Variants in YLPM1 observed in about 807,000 individuals in gnomAD.
YLPM1 encodes the protein YLP motif containing 1.
In YLPM1, 99 loss-of-function variants were observed where a neutral mutation model predicts 230.0. That is an observed-to-expected ratio of 0.43 (90% CI 0.37 to 0.51). The LOEUF is 0.51. Among genes scored for constraint, YLPM1 ranks in the 20% least tolerant of loss-of-function variants. The probability of loss-of-function intolerance (pLI) is 0.00; values close to 1 mark genes in which losing one functional copy is unlikely to be tolerated. For synonymous variants in YLPM1, 984 were observed against 942.5 expected, an observed-to-expected ratio of 1.04 and a Z score of -0.81; for missense variants, 2,592 against 2,707.7, an observed-to-expected ratio of 0.96 and a Z score of 0.95.
chr14:74,818,841 G>C (rs949879372), intron 16 of YLPM1, among the ~76,000 whole-genome samples: 3 of 152,188 alleles, frequency 2.0e-5, no homozygotes, highest in African/African-American at 7.2e-5. Flanking sequence ...CCTTGTCATT[G>C]TCATGAAAGA....
intron 4 of YLPM1, among the ~76,000 whole-genome samples, chr14:74,783,789 C>T (rs2091119208): frequency 6.6e-6 from 1 of 152,136 alleles, no homozygotes; most frequent in South Asian, 2.1e-4. Flanking sequence ...CTCTGTGTAC[C>T]AAGAAGCCTT....
rs879631796 is a variant in YLPM1, at chr14:74,798,134, C to G, written c.2837C>G (p.Pro946Arg). The change falls in exon 5 of 21, where the codon CCC becomes CGC. Residue 946 changes from proline (P) to arginine (R), a missense_variant. Coordinates refer to ENST00000325680, the MANE Select transcript of YLPM1 (RefSeq NM_019589.3). ...DKAQAVTQPV[P>R]LANKPVPAQS... ...GCCCAAGCTGTTACTCAGCCTGTACCCCTTGCGAATAAGCCTGTACCTGCT... is the reference window on the plus strand; with the variant it reads ...GCCCAAGCTGTTACTCAGCCTGTACGCCTTGCGAATAAGCCTGTACCTGCT... 6.2e-7 allele frequency: 1 copy of G among 1,613,910 alleles called. No homozygotes were observed. The highest frequency in any genetic ancestry group is 8.5e-7 in the Non-Finnish European group (1 of 1,179,900).
At position 74,763,388 on chromosome 14, in the gene YLPM1, AGGCGCCGCG is replaced by A; in HGVS notation, c.-101_-93del. 3.0e-6 allele frequency: 4 copies of A among 1,348,846 alleles called. No individual in the cohort carries two copies. The highest frequency in any genetic ancestry group is 3.9e-6 in the Non-Finnish European group (4 of 1,036,056). 83.6% of individuals were successfully genotyped at this position (1,348,846 alleles called of 1,614,324 possible). On this transcript the variant is annotated 5_prime_UTR_variant, in exon 1 of 21. Coordinates refer to ENST00000325680, the MANE Select transcript of YLPM1 (RefSeq NM_019589.3). ...TCCGTTTACACGCTCCGGGGCCTGT[AGGCGCCGCG>A]AGTTCCGGCTGTCGCCGTCGCCGCC...
At chr14:74,805,451 C>T (rs1296689814) in intron 6 of YLPM1, among the ~76,000 whole-genome samples, 1 of 151,838 alleles carries the variant, frequency 6.6e-6, no homozygotes, top group Non-Finnish European at 1.5e-5. Flanking sequence ...TCAAGTGATT[C>T]TCTCACCTCA....
At chr14:74,785,877 G>A (rs1241135472) in intron 4 of YLPM1, among the ~76,000 whole-genome samples, 1 of 152,200 alleles carries the variant, frequency 6.6e-6, no homozygotes, top group Non-Finnish European at 1.5e-5. Flanking sequence ...GTCTAGGGGA[G>A]CTGTTTTGAC....
intron 4 of YLPM1, among the ~76,000 whole-genome samples, chr14:74,792,643 A>C (rs1435048760): frequency 6.6e-6 from 1 of 152,226 alleles, no homozygotes; most frequent in Non-Finnish European, 1.5e-5. Flanking sequence ...ATAGCACTAA[A>C]TAATTATGTT....
chr14:74,822,299 A>G (rs1333572545), intron 17 of YLPM1, among the ~76,000 whole-genome samples: 1 of 152,174 alleles, frequency 6.6e-6, no homozygotes, highest in Non-Finnish European at 1.5e-5. Context: ...TGAGAAGTCT[A>G]TAATGTTTTA....
intron 1 of YLPM1, among the ~76,000 whole-genome samples, chr14:74,774,382 G>T (rs2091010927): frequency 6.6e-6 from 1 of 152,038 alleles, no homozygotes; most frequent in African/African-American, 2.4e-5. Flanking sequence ...ACAGGCACCT[G>T]CGACCATGGC....
chr14:74,799,765 TATG>T, intron 5 of YLPM1, 68 bp downstream of exon 5: 1 of 1,467,338 alleles, frequency 6.8e-7, no homozygotes, highest in Non-Finnish European at 9.0e-7. Context: ...TTTAAAGTGA[TATG>T]ATATATTTGA....
Position 74,832,029 on chromosome 14 carries a change from T to C in YLPM1, c.6294+2686T>C, listed in dbSNP as rs562739991. 1.1e-4 allele frequency among the ~76,000 whole-genome samples: 16 copies of C among 152,362 alleles called. No individual in the cohort carries two copies. In the South Asian group the frequency reaches 3.3e-3, roughly 32 times the overall value. ...AAGGTGAACCTTTCCCTTGTTTGTT[T>C]GCTGAATTTGTATATTTTAGAAATA... On this transcript the variant is annotated intron_variant, in intron 19 of 20. Transcript: ENST00000325680.
chr14:74,785,104 A>G (rs546267544), intron 4 of YLPM1, among the ~76,000 whole-genome samples: 23 of 152,218 alleles, frequency 1.5e-4, no homozygotes, highest in Middle Eastern at 6.8e-3. Context: ...TCTTTTTCAC[A>G]TTAGCTTTTA....
rs1047917801 is a variant in YLPM1 at position 74,781,969 on chromosome 14, A to G, written c.1926A>G (p.Ile642Met). 3.2e-5 allele frequency: 52 copies of G among 1,613,452 alleles called. No individual in the cohort carries two copies. The highest frequency in any genetic ancestry group is 4.2e-5 in the Non-Finnish European group (50 of 1,179,664). The change falls in exon 4 of 21, where the codon ATA becomes ATG. Residue 642 changes from isoleucine to methionine, a missense_variant. Physicochemically the swap from Ile to Met is conservative, Grantham distance 10. Transcript: ENST00000325680. ...GIPPPGVPQGIPPQLTAAPVP... is the reference protein window; with the variant it reads ...GIPPPGVPQGMPPQLTAAPVP... ...CTCCCCCTGGAGTTCCACAAGGGAT[A>G]CCTCCTCAGTTAACAGCAGCCCCAG...
At chr14:74,805,374 TC>T (rs1264918422) in intron 6 of YLPM1, among the ~76,000 whole-genome samples, 2 of 151,804 alleles carry the variant, frequency 1.3e-5, no homozygotes, top group African/African-American at 4.8e-5. Context: ...TTTTTTTTGC[TC>T]TGTTGCCTGG....
At chr14:74,775,935 A>G (rs970667079) in intron 1 of YLPM1, among the ~76,000 whole-genome samples, 9 of 152,188 alleles carry the variant, frequency 5.9e-5, no homozygotes, top group Non-Finnish European at 1.3e-4. Flanking sequence ...ATAAGTTCCA[A>G]TGTTCTCCAA....
chr14:74,816,240 A>G lies in YLPM1; in HGVS notation c.5540A>G (p.Lys1847Arg). ...ATGAGAGGATTACCTGGCAGTGGAA[A>G]GACACATGTTGCAAAACTTATTCGA... ...VIMRGLPGSG[K>R]THVAKLIRDK... Residue 1847 changes from lysine (K) to arginine (R), a missense_variant, in exon 12 of 21, where the codon AAG becomes AGG. This residue lies in a region of YLPM1 where 315 missense variants were observed against 429.3 expected (regional missense o/e 0.73). Transcript: ENST00000325680. The G allele has an allele frequency of 6.2e-7, 1 of 1,612,148 alleles. No homozygotes were observed. The highest frequency in any genetic ancestry group is 1.3e-5 in the African/African-American group (1 of 74,936).
At chr14:74,787,344 CTT>C in intron 4 of YLPM1, among the ~76,000 whole-genome samples, 1 of 152,274 alleles carries the variant, frequency 6.6e-6, no homozygotes, top group Admixed American at 6.5e-5. Context: ...GGGCAGATCA[CTT>C]GAGGTCAGGA....
chr14:74,791,193 A>G (rs1335006948), intron 4 of YLPM1, among the ~76,000 whole-genome samples: 1 of 152,218 alleles, frequency 6.6e-6, no homozygotes, highest in Non-Finnish European at 1.5e-5. Context: ...ACTGGAACCC[A>G]GGAAGTCTAG....
In YLPM1 at chr14:74,781,629, C is replaced by T. The variant is rs1226105274; in HGVS notation, c.1586C>T (p.Pro529Leu). 2.5e-6 allele frequency: 4 copies of T among 1,613,834 alleles called. No individual in the cohort carries two copies. The highest frequency in any genetic ancestry group is 1.3e-5 in the African/African-American group (1 of 74,886). Residue 529 changes from proline (P) to leucine (L), a missense_variant, in exon 4 of 21, where the codon CCT (proline) becomes CTT (leucine). Pro to Leu is a moderately conservative substitution (Grantham distance 98). Transcript: ENST00000325680. Reference sequence around the variant, plus strand: ...GTTCCATATTCTCAGATGCCTCCACCTCTACCTACAATGCCCCCTCCAGTG... The same window carrying T: ...GTTCCATATTCTCAGATGCCTCCACTTCTACCTACAATGCCCCCTCCAGTG... ...PFVPYSQMPP[P>L]LPTMPPPVLP... is the part of the protein sequence containing the mutation.
rs1186040431 is a variant in YLPM1, at chr14:74,763,999, G to C, written c.510G>C (p.Pro170=). The change falls in exon 1 of 21, where the codon CCG becomes CCC. Residue 170 remains proline (P), a synonymous_variant. Coordinates refer to ENST00000325680, the MANE Select transcript of YLPM1 (RefSeq NM_019589.3). ...PSQSYMPPPQ[P]PPSYYPPTSS... ...AGTCTTACATGCCCCCACCTCAGCC[G>C]CCACCCTCTTACTACCCCCCGACCT... 21 of 1,550,282 alleles carry C rather than the reference G, an allele frequency of 1.4e-5. No individual in the cohort carries two copies. The highest frequency in any genetic ancestry group is 1.8e-5 in the Non-Finnish European group (21 of 1,151,606).
Sources: gnomAD v4.1 joint callset for allele counts (sites outside exome capture counted in the v4.1 genomes callset) on GRCh38, gnomAD v4.1.1 for gene constraint, gnomAD v4.1.1 regional missense constraint, MANE v1.5 for transcripts, NCBI Gene and HGNC (gene_info 2026-07-23, HGNC 2026-07-21) for gene names.